Variants in LDB2 observed in about 807,000 individuals in gnomAD.
LDB2 encodes the protein LIM domain-binding protein 2.
LDB2 carries 12 observed loss-of-function variants against 44.3 expected under a neutral mutation model. That is an observed-to-expected ratio of 0.27 (90% CI 0.17 to 0.44). The LOEUF (loss-of-function observed/expected upper bound fraction) is 0.44. LDB2 is among the 20% of genes least tolerant of loss of function. The pLI, the probability that LDB2 is intolerant of heterozygous loss-of-function variation, is 1.00. For missense variants in LDB2, 344 were observed against 473.5 expected (o/e 0.73, Z 2.54); for synonymous variants, 164 against 174.8 (o/e 0.94, Z 0.49).
At chr4:16,774,310 A>C (rs1360655854) in intron 1 of LDB2, among the ~76,000 whole-genome samples, 1 of 152,174 alleles carries the variant, frequency 6.6e-6, no homozygotes, top group African/African-American at 2.4e-5. Flanking sequence ...TCCAACCTGC[A>C]GAAAAGTCTT....
chr4:16,620,100 G>A (rs1560658237), intron 2 of LDB2, among the ~76,000 whole-genome samples: 1 of 152,108 alleles, frequency 6.6e-6, no homozygotes, highest in Non-Finnish European at 1.5e-5. Context: ...CATGTCTCTA[G>A]CCTCCTGTTG....
chr4:16,544,239 CT>C (rs1734907205), intron 5 of LDB2, among the ~76,000 whole-genome samples: 1 of 152,186 alleles, frequency 6.6e-6, no homozygotes, highest in Admixed American at 6.5e-5. Context: ...CCTATGAACC[CT>C]GTGAACAACC....
Position 16,790,232 on chromosome 4 carries a change from C to T in LDB2, c.133-30972G>A, listed in dbSNP as rs533657133. On this transcript the variant is annotated intron_variant, in intron 1 of 7. Coordinates refer to ENST00000304523, the MANE Select transcript of LDB2 (RefSeq NM_001290.5). ...GACTCCAAGAGGCTGATGAGTTTAG[C>T]CAGCATGGCAAAACTCTTAAGGCAG... 2.6e-5 allele frequency among the ~76,000 whole-genome samples: 4 copies of T among 152,290 alleles called. No homozygotes were observed. The South Asian group carries it at 8.3e-4, about 32-fold the overall frequency.
At chr4:16,819,934 T>C (rs1191156561) in intron 1 of LDB2, among the ~76,000 whole-genome samples, 2 of 152,242 alleles carry the variant, frequency 1.3e-5, no homozygotes, top group Non-Finnish European at 2.9e-5. Flanking sequence ...TTGGTCAGAA[T>C]GTGGGACCAA....
intron 1 of LDB2, among the ~76,000 whole-genome samples, chr4:16,782,402 G>A (rs1322361696): frequency 6.6e-6 from 1 of 150,816 alleles, no homozygotes; most frequent in Non-Finnish European, 1.5e-5. Flanking sequence ...CCAGGCTGGA[G>A]TGCAGTGGCA....
intron 2 of LDB2, among the ~76,000 whole-genome samples, chr4:16,596,371 G>A (rs1317904401): frequency 1.3e-5 from 2 of 152,008 alleles, no homozygotes; most frequent in East Asian, 1.9e-4. Flanking sequence ...TTCTCTCACT[G>A]TATCTTCAGA....
intron 5 of LDB2, among the ~76,000 whole-genome samples, chr4:16,529,406 G>A (rs1354189462): frequency 6.6e-6 from 1 of 152,164 alleles, no homozygotes; most frequent in Non-Finnish European, 1.5e-5. Context: ...ACCACTGACA[G>A]GCCAGGTTGC....
chr4:16,504,347 C>T (rs188551895), intron 7 of LDB2, among the ~76,000 whole-genome samples: 1 of 152,238 alleles, frequency 6.6e-6, no homozygotes, highest in Admixed American at 6.5e-5. Flanking sequence ...ATTTCTGCTC[C>T]CCACCATTCT....
At chr4:16,622,893 A>G in intron 2 of LDB2, among the ~76,000 whole-genome samples, 1 of 152,258 alleles carries the variant, frequency 6.6e-6, no homozygotes, top group Non-Finnish European at 1.5e-5. Flanking sequence ...GTGATCCTGT[A>G]TAATGATCTC....
At chr4:16,629,277 T>C (rs1307963311) in intron 2 of LDB2, among the ~76,000 whole-genome samples, 3 of 152,176 alleles carry the variant, frequency 2.0e-5, no homozygotes, top group Admixed American at 1.3e-4. Context: ...GCAGTGTTTC[T>C]CCCAGCATGG....
intron 2 of LDB2, chr4:16,726,427 T>C (rs1025859327): frequency 2.0e-5 from 3 of 150,224 alleles, no homozygotes; most frequent in Non-Finnish European, 4.4e-5. Flanking sequence ...AGGCAGGTGC[T>C]CTATCCTCAA....
At chr4:16,748,528 A>G (rs1458126078) in intron 2 of LDB2, among the ~76,000 whole-genome samples, 2 of 152,234 alleles carry the variant, frequency 1.3e-5, no homozygotes, top group Non-Finnish European at 2.9e-5. Context: ...TGCTTAATAC[A>G]GTCGTAGAAG....
At position 16,578,541 on chromosome 4, in the gene LDB2, A is replaced by G. The variant is rs113457941; in HGVS notation, c.615+7381T>C. 1.7e-3 allele frequency among the ~76,000 whole-genome samples: 256 copies of G among 152,330 alleles called. 2 individuals are homozygous for G. Among genetic ancestry groups the G allele is most frequent in the African/African-American group, 5.9e-3 (244 of 41,582 alleles). ...CCCAGTCAAAATGGTTTTTAGCCAA[A>G]AGACAGTCAATAACAAATGCTGGTG... On this transcript the variant is annotated intron_variant, in intron 5 of 7. Coordinates refer to ENST00000304523, the MANE Select transcript of LDB2 (RefSeq NM_001290.5).
At chr4:16,770,706 T>C (rs1409549286) in intron 1 of LDB2, among the ~76,000 whole-genome samples, 2 of 152,206 alleles carry the variant, frequency 1.3e-5, no homozygotes, top group African/African-American at 4.8e-5. Flanking sequence ...TCTATACTAT[T>C]CTAGTATGAA....
At position 16,679,908 on chromosome 4, in the gene LDB2, G is replaced by T. The variant is rs145137473; in HGVS notation, c.235+79250C>A. 4.9e-3 allele frequency among the ~76,000 whole-genome samples: 745 copies of T among 152,268 alleles called. 7 individuals carry two copies. Among genetic ancestry groups the T allele is most frequent in the Middle Eastern group, 0.014 (4 of 294 alleles). ...TCTGCAGGAATGATTGTCCCTTTCT[G>T]CTCAGAACATCTTTCTCTTGTCCCT... is the stretch of plus-strand genomic sequence containing the variant. On this transcript the variant is annotated intron_variant, in intron 2 of 7. Transcript: ENST00000304523.
chr4:16,835,673 C>T (rs904720334), intron 1 of LDB2, among the ~76,000 whole-genome samples: 1 of 152,190 alleles, frequency 6.6e-6, no homozygotes, highest in Admixed American at 6.5e-5. Flanking sequence ...AAGGAACAGG[C>T]AAAGAGTTTT....
chr4:16,806,510 A>C (rs1457327659), intron 1 of LDB2, among the ~76,000 whole-genome samples: 1 of 152,208 alleles, frequency 6.6e-6, no homozygotes, highest in African/African-American at 2.4e-5. Flanking sequence ...CAATCAATGA[A>C]GCTGGAGGTA....
chr4:16,507,098 G>A (rs992508388), intron 7 of LDB2: 1 of 151,840 alleles, frequency 6.6e-6, no homozygotes, highest in African/African-American at 2.4e-5. Context: ...CCCTCTTTTG[G>A]CTTTTTCCCC....
intron 2 of LDB2, among the ~76,000 whole-genome samples, chr4:16,725,264 A>G (rs1470798897): frequency 1.3e-5 from 2 of 151,996 alleles, no homozygotes; most frequent in Non-Finnish European, 2.9e-5. Flanking sequence ...ACACACACGC[A>G]CACACACGCA....
Sources: gnomAD v4.1 joint callset for allele counts (sites outside exome capture counted in the v4.1 genomes callset) on GRCh38, gnomAD v4.1.1 for gene constraint, MANE v1.5 for transcripts, NCBI Gene and HGNC (gene_info 2026-07-23, HGNC 2026-07-21) for gene names.